MKRN1: variants seen among roughly 807,000 people sequenced by gnomAD.
The protein encoded by MKRN1 is makorin ring finger protein 1, also known as E3 ubiquitin-protein ligase makorin-1.
A neutral mutation model predicts 55.5 loss-of-function variants in MKRN1; 9 were observed. That is an observed-to-expected ratio of 0.16 (90% confidence interval 0.10 to 0.28). MKRN1 has a LOEUF of 0.28. Ranked by LOEUF, MKRN1 falls within the 10% of genes least tolerant of loss-of-function variation. MKRN1 has a pLI of 1.00. For missense variants in MKRN1, 488 were observed against 626.7 expected, an observed-to-expected ratio of 0.78 and a Z score of 2.36; for synonymous variants, 253 against 235.9, an observed-to-expected ratio of 1.07 and a Z score of -0.66.
At chr7:140,468,230 C>T (rs1027229948) in intron 2 of MKRN1, among the ~76,000 whole-genome samples, 2 of 151,902 alleles carry the variant, frequency 1.3e-5, no homozygotes, top group Admixed American at 6.6e-5. Flanking sequence ...CTCCTCCTGC[C>T]CCAGTCACAG....
chr7:140,457,872 C>T (rs1000521394), intron 4 of MKRN1, among the ~76,000 whole-genome samples: 6 of 152,020 alleles, frequency 3.9e-5, no homozygotes, highest in Admixed American at 1.3e-4. Context: ...GAGATTTATC[C>T]TGCCTAAATT....
chr7:140,475,808 A>T (rs1163151451), intron 1 of MKRN1, among the ~76,000 whole-genome samples: 7 of 152,200 alleles, frequency 4.6e-5, no homozygotes, highest in Non-Finnish European at 7.4e-5. Flanking sequence ...GAGGGGTCTA[A>T]ATTCAAATTA....
intron 2 of MKRN1, chr7:140,460,369 G>T (rs1348142660): frequency 1.4e-5 from 2 of 147,792 alleles, no homozygotes; most frequent in Non-Finnish European, 3.0e-5. Context: ...GAGTGCAGTG[G>T]CGTGATCTCA....
At chr7:140,468,531 A>G (rs1392856160) in intron 2 of MKRN1, among the ~76,000 whole-genome samples, 1 of 151,256 alleles carries the variant, frequency 6.6e-6, no homozygotes, top group Non-Finnish European at 1.5e-5. Flanking sequence ...TGAAACCCTA[A>G]CTCTACTAAA....
At position 140,456,683 on chromosome 7, in the gene MKRN1, T is replaced by G. The variant is rs1333598995; in HGVS notation, c.955A>C (p.Ser319Arg). 1.2e-6 allele frequency: 2 copies of G among 1,614,148 alleles called. No individual in the cohort carries two copies. Among genetic ancestry groups the G allele is most frequent in the Non-Finnish European group, 1.7e-6 (2 of 1,180,022 alleles). ...ATCTTGCTCTCAAATTGCTTAGCAC[T>G]CCTCCACTTGCGAATGCACTTGAGA... ...YCLKCIRKWR[S>R]AKQFESKIIK... Residue 319 changes from serine to arginine, a missense_variant, in exon 5 of 8, where the codon AGT becomes CGT. By Grantham distance (110) the Ser-to-Arg change is moderately radical (BLOSUM62 -1). Coordinates refer to ENST00000255977, the MANE Select transcript of MKRN1 (RefSeq NM_013446.4).
chr7:140,467,146 T>C, intron 2 of MKRN1, among the ~76,000 whole-genome samples: 1 of 151,794 alleles, frequency 6.6e-6, no homozygotes, highest in African/African-American at 2.4e-5. Context: ...CTTGGGTAAT[T>C]TTGTATTTTT....
chr7:140,479,082 G>C, intron 1 of MKRN1, 78 bp downstream of exon 1: 2 of 1,242,712 alleles, frequency 1.6e-6, no homozygotes, highest in Non-Finnish European at 2.0e-6. Context: ...CAGGCCGGCC[G>C]CCCTCCTCCC....
At chr7:140,461,142 C>A (rs763509963) in intron 2 of MKRN1, among the ~76,000 whole-genome samples, 3 of 152,208 alleles carry the variant, frequency 2.0e-5, no homozygotes, top group Non-Finnish European at 4.4e-5. Flanking sequence ...ATTTTACCAA[C>A]ACATCAAATA....
chr7:140,460,246 C>CAAAAAAAAAAA (rs58698651), intron 2 of MKRN1: 4 of 76,786 alleles, frequency 5.2e-5, no homozygotes, highest in African/African-American at 1.2e-4. Context: ...GACTCCGTCT[C>CAAAAAAAAAAA]AAAAAAAAAA....
At chr7:140,474,436 T>A (rs1345586452) in intron 1 of MKRN1, 1 of 365,986 alleles carries the variant, frequency 2.7e-6, no homozygotes, top group Admixed American at 2.9e-5. Context: ...TCGCAGTGGG[T>A]TGGGGGGGGC....
intron 2 of MKRN1, among the ~76,000 whole-genome samples, chr7:140,467,391 C>T (rs1045417603): frequency 3.9e-5 from 6 of 152,082 alleles, no homozygotes; most frequent in Admixed American, 2.6e-4. Flanking sequence ...GATTCTCCCA[C>T]CTCAGCCTCC....
chr7:140,464,520 T>G (rs1485133000), intron 2 of MKRN1, among the ~76,000 whole-genome samples: 1 of 152,066 alleles, frequency 6.6e-6, no homozygotes, highest in Non-Finnish European at 1.5e-5. Context: ...CTGATCAACA[T>G]GGAGAAACCC....
intron 2 of MKRN1, among the ~76,000 whole-genome samples, chr7:140,464,906 TCA>T (rs1321019035): frequency 6.6e-6 from 1 of 152,120 alleles, no homozygotes; most frequent in Non-Finnish European, 1.5e-5. Flanking sequence ...TCCTCCCACC[TCA>T]GTCTCCCCAG....
chr7:140,473,221 A>C (rs960699034), intron 1 of MKRN1: 6 of 431,196 alleles, frequency 1.4e-5, no homozygotes, highest in Non-Finnish European at 2.7e-5. Context: ...AAAAAAAAAA[A>C]AAAAAACATC....
intron 1 of MKRN1, chr7:140,475,391 G>A (rs564733383): frequency 3.6e-4 from 120 of 337,864 alleles, no homozygotes; most frequent in Non-Finnish European, 5.8e-4. Flanking sequence ...CAAGCATGGT[G>A]GCTCACACCT....
intron 6 of MKRN1, 84 bp from the exon 7 acceptor site, chr7:140,455,317 T>C (rs778314189): frequency 1.5e-4 from 229 of 1,545,298 alleles, no homozygotes; most frequent in Non-Finnish European, 1.8e-4. Flanking sequence ...TTTAAACAGG[T>C]AGGGATAGAA....
intron 4 of MKRN1, among the ~76,000 whole-genome samples, chr7:140,458,497 G>A (rs768778027): frequency 6.6e-6 from 1 of 152,152 alleles, no homozygotes; most frequent in African/African-American, 2.4e-5. Context: ...AGGAGCTGGA[G>A]GAAGGCTGGA....
Position 140,454,671 on chromosome 7 carries a change from A to G in MKRN1, c.1295T>C (p.Phe432Ser). ...LIEERENSNP[F>S]DNDEEEVVTF... ...GACAACCTCTTCTTCATCGTTGTCA[A>G]AGGGGTTGCTGTTCTCTCTTTCCTC... is the stretch of plus-strand genomic sequence containing the variant. Residue 432 changes from phenylalanine to serine, a missense_variant, in exon 8 of 8, where the codon TTT (phenylalanine) becomes TCT (serine). Phe to Ser is a radical substitution (Grantham distance 155). This residue lies in a region of MKRN1 where 278 missense variants were observed against 406.7 expected (regional missense o/e 0.68). Coordinates refer to ENST00000255977, the MANE Select transcript of MKRN1 (RefSeq NM_013446.4). 1 of 1,613,976 alleles carries G rather than the reference A, an allele frequency of 6.2e-7. No individual in the cohort carries two copies. The highest frequency in any genetic ancestry group is 1.1e-5 in the South Asian group (1 of 91,072).
Position 140,479,462 on chromosome 7 carries a change from C to G in MKRN1, c.-118G>C. 1 of 1,063,082 alleles carries G rather than the reference C, an allele frequency of 9.4e-7. No individual in the cohort carries two copies. Among genetic ancestry groups the G allele is most frequent in the Non-Finnish European group, 1.2e-6 (1 of 830,430 alleles). The allele number at this position is 1,063,082 out of a possible 1,614,324, so 65.9% of individuals were successfully genotyped here. ...GGGAGGGGAAGGACACTGAGGCACC[C>G]GTTCGGTCCCCGCCTGCTACGCGTC... On this transcript the variant is annotated 5_prime_UTR_variant, in exon 1 of 8. Coordinates refer to ENST00000255977, the MANE Select transcript of MKRN1 (RefSeq NM_013446.4).
Sources: allele counts gnomAD v4.1 joint callset (sites outside exome capture counted in the v4.1 genomes callset), GRCh38; gene constraint gnomAD v4.1.1; regional missense constraint gnomAD v4.1.1; transcripts MANE v1.5; gene names NCBI Gene and HGNC (gene_info 2026-07-23, HGNC 2026-07-21).